ZFYVE21: variants seen among roughly 807,000 people sequenced by gnomAD.
ZFYVE21 encodes zinc finger FYVE-type containing 21, also known as zinc finger FYVE domain-containing protein 21.
In ZFYVE21, 21 loss-of-function variants were observed where a neutral mutation model predicts 29.5. The ratio of observed to expected loss-of-function variants is 0.71; its 90% CI spans 0.50 to 1.02. The LOEUF (loss-of-function observed/expected upper bound fraction) is 1.02, where lower values mean the gene tolerates loss of function less well. Ranked by LOEUF, ZFYVE21 falls within the 50% of genes least tolerant of loss-of-function variation. ZFYVE21 has a pLI of 0.00. For missense variants in ZFYVE21, 326 were observed against 335.4 expected, an observed-to-expected ratio of 0.97 and a Z score of 0.22; for synonymous variants, 151 against 133.8, an observed-to-expected ratio of 1.13 and a Z score of -0.89.
chr14:103,729,941 A>C lies in ZFYVE21; in HGVS notation c.526+759A>C, dbSNP rs573359918. The C allele has an allele frequency of 2.9e-6, 4 of 1,388,964 alleles. No homozygotes were observed. In the African/African-American group the frequency reaches 5.8e-5, roughly 20 times the overall value. 86.0% of individuals were successfully genotyped at this position (1,388,964 alleles called of 1,614,324 possible). ...TCTGTCCACGGGGTGGTCCATGCCA[A>C]GGTTCTTTGTGAAACCTGAATTCAC... On this transcript the variant is annotated intron_variant, in intron 5 of 6. Transcript: ENST00000311141.
In ZFYVE21 at chr14:103,727,756, G is replaced by A. The variant is rs1170457771; in HGVS notation, c.200G>A (p.Arg67His). The change falls in exon 3 of 7, where the codon CGC becomes CAC. Residue 67 changes from arginine (R) to histidine (H), a missense_variant. Coordinates refer to ENST00000311141, the MANE Select transcript of ZFYVE21 (RefSeq NM_024071.4). ...FDFLTRKHHC[R>H]RCGKCFCDRC... ...CCCGCATCTGCCCAGCACCACTGTC[G>A]CCGCTGCGGGAAGTGCTTCTGCGAC... The A allele has an allele frequency of 1.8e-5, 29 of 1,608,088 alleles. No individual in the cohort carries two copies. Among genetic ancestry groups the A allele is most frequent in the African/African-American group, 4.0e-5 (3 of 75,050 alleles).
chr14:103,730,192 G>A (rs1567071926), intron 5 of ZFYVE21: 3 of 293,372 alleles, frequency 1.0e-5, no homozygotes, highest in Non-Finnish European at 1.3e-5. Context: ...CCTTCCCCCC[G>A]AGGCCTGCTG....
intron 5 of ZFYVE21, chr14:103,731,425 C>T (rs1056733570): frequency 4.0e-5 from 6 of 150,086 alleles, no homozygotes; most frequent in Admixed American, 4.0e-4. Flanking sequence ...CATGGAGAAA[C>T]CCCGTCTCTA....
Position 103,732,615 on chromosome 14 carries a change from T to C in ZFYVE21, c.527-5T>C. The C allele has an allele frequency of 6.4e-7, 1 of 1,566,674 alleles. No homozygotes were observed. On this transcript the variant is annotated splice_region_variant and splice_polypyrimidine_tract_variant and intron_variant, in intron 5 of 6. Coordinates refer to ENST00000311141, the MANE Select transcript of ZFYVE21 (RefSeq NM_024071.4). ...GGGCCGTCTTACCTCGTCTCTCTCCTCCAGGAGGCAACGCACGGGCCACAG... is the reference window on the plus strand; with the variant it reads ...GGGCCGTCTTACCTCGTCTCTCTCCCCCAGGAGGCAACGCACGGGCCACAG...
intron 1 of ZFYVE21, chr14:103,724,765 GT>G (rs2083904848): frequency 6.6e-6 from 1 of 152,192 alleles, no homozygotes; most frequent in Non-Finnish European, 1.5e-5. Flanking sequence ...ACCCACACCT[GT>G]TTCTGGTTCA....
At position 103,729,157 on chromosome 14, in the gene ZFYVE21, C is replaced by A; in HGVS notation, c.501C>A (p.Ile167=). Reference sequence around the variant, plus strand: ...TTGTACACATTTCCACCGTGCAGATCCTCACAGAAGGCTTCCCTCCTGGAG... The same window carrying A: ...TTGTACACATTTCCACCGTGCAGATACTCACAGAAGGCTTCCCTCCTGGAG... ...IEIVHISTVQ[I]LTEGFPPGGG... The change falls in exon 5 of 7, where the codon ATC becomes ATA. Residue 167 remains isoleucine, a synonymous_variant. Coordinates refer to ENST00000311141, the MANE Select transcript of ZFYVE21 (RefSeq NM_024071.4). The A allele has an allele frequency of 6.2e-7, 1 of 1,614,090 alleles. No individual in the cohort carries two copies. The highest frequency in any genetic ancestry group is 8.5e-7 in the Non-Finnish European group (1 of 1,180,016).
chr14:103,719,415 A>G (rs972103774), intron 1 of ZFYVE21, among the ~76,000 whole-genome samples: 1 of 151,500 alleles, frequency 6.6e-6, no homozygotes, highest in Non-Finnish European at 1.5e-5. Flanking sequence ...AGATTGTGCC[A>G]CTGCACTTCA....
intron 1 of ZFYVE21, 38 bp from the exon 2 acceptor site, chr14:103,726,754 C>T (rs779895743): frequency 1.2e-6 from 2 of 1,613,166 alleles, no homozygotes; most frequent in Non-Finnish European, 8.5e-7. Context: ...TGGTGAGTGA[C>T]CAAGCTGCGT....
intron 1 of ZFYVE21, among the ~76,000 whole-genome samples, chr14:103,717,763 T>C (rs2083839646): frequency 6.6e-6 from 1 of 152,238 alleles, no homozygotes; most frequent in African/African-American, 2.4e-5. Context: ...TCTGAGCAGC[T>C]GAGGGAGGTC....
At chr14:103,729,347 A>T in intron 5 of ZFYVE21, 165 bp downstream of exon 5, 1 of 669,078 alleles carries the variant, frequency 1.5e-6, no homozygotes, top group Non-Finnish European at 2.5e-6. Flanking sequence ...GTATTTACTC[A>T]GTGGCTTTAG....
intron 1 of ZFYVE21, chr14:103,725,677 G>A (rs1404410931): frequency 5.3e-5 from 8 of 152,282 alleles, no homozygotes; most frequent in Non-Finnish European, 7.3e-5. Context: ...ACCACCACAT[G>A]TGTGTCTCTG....
chr14:103,732,689 T>C lies in ZFYVE21; in HGVS notation c.596T>C (p.Leu199Pro). The C allele has an allele frequency of 6.2e-7, 1 of 1,613,178 alleles. No individual in the cohort carries two copies. The highest frequency in any genetic ancestry group is 8.5e-7 in the Non-Finnish European group (1 of 1,179,668). The change falls in exon 6 of 7, where the codon CTG becomes CCG. Residue 199 changes from leucine to proline, a missense_variant. Physicochemically the swap from Leu to Pro is moderately conservative, Grantham distance 98. Coordinates refer to ENST00000311141, the MANE Select transcript of ZFYVE21 (RefSeq NM_024071.4). ...CCGGGGACGGAGGGTGTGACCCAGC[T>C]GAAGCTGACAGTGGTGGAGGACGTG... is the stretch of plus-strand genomic sequence containing the variant. ...TVPGTEGVTQ[L>P]KLTVVEDVTV...
intron 1 of ZFYVE21, 185 bp from the exon 2 acceptor site, chr14:103,726,607 A>G (rs1398879663): frequency 1.4e-6 from 1 of 715,784 alleles, no homozygotes; most frequent in South Asian, 1.7e-5. Flanking sequence ...ACCCCACCGC[A>G]TTGGCTCTGG....
intron 1 of ZFYVE21, 107 bp from the exon 2 acceptor site, chr14:103,726,685 G>T (rs2083927661): frequency 2.2e-6 from 3 of 1,380,712 alleles, no homozygotes; most frequent in African/African-American, 2.8e-5. Flanking sequence ...CTGCTTGGGT[G>T]CGTGGGGAGG....
intron 3 of ZFYVE21, among the ~76,000 whole-genome samples, chr14:103,728,423 C>T (rs1423797349): frequency 1.3e-5 from 2 of 152,180 alleles, no homozygotes; most frequent in East Asian, 1.9e-4. Context: ...CACTGCCGTC[C>T]CAGCCTCCTG....
Position 103,727,929 on chromosome 14 carries a change from C to T in ZFYVE21, c.358+15C>T, listed in dbSNP as rs773049232. ...GCTCCTGAGCGGTAAGGACGGGTGT[C>T]CTGCACAGTCCCGCGCGCTCCGCCA... On this transcript the variant is annotated intron_variant, in intron 3 of 6. Transcript: ENST00000311141. 6.3e-7 allele frequency: 1 copy of T among 1,591,948 alleles called. No individual in the cohort carries two copies. The highest frequency in any genetic ancestry group is 1.3e-5 in the African/African-American group (1 of 74,480).
rs561691222 is a variant in ZFYVE21, at chr14:103,716,630, T to C, written c.138+651T>C. Reference sequence around the variant, plus strand: ...GGTCGCAGTCGCCCACTGGACAGTTTGAAGGAGACCGCAGATTTGCACCCG... The same window carrying C: ...GGTCGCAGTCGCCCACTGGACAGTTCGAAGGAGACCGCAGATTTGCACCCG... On this transcript the variant is annotated intron_variant, in intron 1 of 6. Transcript: ENST00000311141. The surrounding 1 kb of genome is among the most constrained non-coding windows in gnomAD (Gnocchi z 4.8). 6.6e-6 allele frequency among the ~76,000 whole-genome samples: 1 copy of C among 152,302 alleles called. No homozygotes were observed. The highest frequency in any genetic ancestry group is 6.5e-5 in the Admixed American group (1 of 15,308).
intron 3 of ZFYVE21, 138 bp downstream of exon 3, chr14:103,728,052 T>C: frequency 1.0e-6 from 1 of 972,028 alleles, no homozygotes. Flanking sequence ...CGTTTTCTTC[T>C]GGATTCGTTT....
chr14:103,727,594 G>A (rs1193087670), intron 2 of ZFYVE21, 152 bp from the exon 3 acceptor site: 2 of 968,432 alleles, frequency 2.1e-6, no homozygotes, highest in South Asian at 2.8e-5. Context: ...GGGGAGCCCA[G>A]GGGCTGGCGA....
Sources: allele counts gnomAD v4.1 joint callset (sites outside exome capture counted in the v4.1 genomes callset), GRCh38; gene constraint gnomAD v4.1.1; non-coding constraint Gnocchi (gnomAD v3.1); transcripts MANE v1.5; gene names NCBI Gene and HGNC (gene_info 2026-07-23, HGNC 2026-07-21).